The following ASIC2 variants were observed in gnomAD, a reference collection of about 807,000 sequenced individuals.
The protein encoded by ASIC2 is acid-sensing ion channel 2.
A neutral mutation model predicts 57.3 loss-of-function variants in ASIC2; 25 were observed. The observed-to-expected ratio is 0.44, with a 90% CI of 0.32 to 0.61. The LOEUF is 0.61. ASIC2 is among the 20% of genes least tolerant of loss of function. The pLI, the probability that ASIC2 is intolerant of heterozygous loss-of-function variation, is 0.06. For synonymous variants in ASIC2, 319 were observed against 307.5 expected (o/e 1.04, Z -0.39); for missense variants, 641 against 738.1 (o/e 0.87, Z 1.52).
intron 1 of ASIC2, among the ~76,000 whole-genome samples, chr17:33,201,976 G>A (rs2142078986): frequency 7.1e-6 from 1 of 141,102 alleles, no homozygotes; most frequent in Admixed American, 7.6e-5. Context: ...GGATTGCAGT[G>A]GACCAAGATC....
At chr17:33,461,284 C>T (rs895488047) in intron 1 of ASIC2, among the ~76,000 whole-genome samples, 5 of 152,230 alleles carry the variant, frequency 3.3e-5, no homozygotes, top group Admixed American at 2.0e-4. Flanking sequence ...CTGTGACATA[C>T]TGGTCTTGCC....
At chr17:33,814,949 A>T (rs1912534196) in intron 1 of ASIC2, among the ~76,000 whole-genome samples, 1 of 152,170 alleles carries the variant, frequency 6.6e-6, no homozygotes, top group East Asian at 1.9e-4. Context: ...TGAAATGGGA[A>T]AAAAGTGCAT....
intron 1 of ASIC2, among the ~76,000 whole-genome samples, chr17:33,716,731 AT>A (rs1909233838): frequency 6.6e-6 from 1 of 152,184 alleles, no homozygotes; most frequent in Middle Eastern, 3.2e-3. Flanking sequence ...TCATGACTGC[AT>A]CTCCTGCCCT....
intron 1 of ASIC2, among the ~76,000 whole-genome samples, chr17:33,438,832 A>T (rs1395268324): frequency 1.3e-5 from 2 of 150,578 alleles, no homozygotes; most frequent in African/African-American, 4.9e-5. Flanking sequence ...TGGAGAAATA[A>T]TGATGGCAGG....
intron 1 of ASIC2, among the ~76,000 whole-genome samples, chr17:33,181,567 G>A (rs1419025895): frequency 6.6e-6 from 1 of 152,122 alleles, no homozygotes; most frequent in Non-Finnish European, 1.5e-5. Context: ...TCTTTGGCTT[G>A]TGGCAGTGTG....
intron 1 of ASIC2, among the ~76,000 whole-genome samples, chr17:33,487,407 T>A (rs1913608532): frequency 6.6e-6 from 1 of 152,212 alleles, no homozygotes; most frequent in African/African-American, 2.4e-5. Context: ...TTAAGAGCAC[T>A]GGCTTTGGAG....
chr17:33,746,282 G>GTA (rs1377486789), intron 1 of ASIC2, among the ~76,000 whole-genome samples: 1 of 148,632 alleles, frequency 6.7e-6, no homozygotes, highest in Non-Finnish European at 1.5e-5. Context: ...ACGTGTACAT[G>GTA]TATATACATA....
intron 1 of ASIC2, among the ~76,000 whole-genome samples, chr17:33,461,359 A>G (rs1912629278): frequency 6.6e-6 from 1 of 152,140 alleles, no homozygotes; most frequent in Non-Finnish European, 1.5e-5. Context: ...CCTCTGGTCA[A>G]TTCTATCATG....
chr17:34,039,848 C>G, intron 1 of ASIC2: 1 of 1,605,926 alleles, frequency 6.2e-7, no homozygotes, highest in Non-Finnish European at 8.5e-7. Context: ...CGTCGTGGGT[C>G]CAGGCTATGC....
At chr17:33,727,543 T>C (rs1348010347) in intron 1 of ASIC2, among the ~76,000 whole-genome samples, 1 of 152,066 alleles carries the variant, frequency 6.6e-6, no homozygotes, top group Non-Finnish European at 1.5e-5. Flanking sequence ...TGATGGTGAG[T>C]GAGTGCTCAC....
intron 1 of ASIC2, among the ~76,000 whole-genome samples, chr17:34,054,592 T>A (rs1023527): frequency 0.52 from 79,140 of 152,028 alleles, 23,724 homozygotes; most frequent in African/African-American, 0.84. Context: ...TGCCAGATGG[T>A]CTTCAAAACA....
At position 33,997,307 on chromosome 17, in the gene ASIC2, ATTTTTTTTTTTT is replaced by A. The variant is rs71147411; in HGVS notation, c.555+158659_555+158670del. Among the ~76,000 whole-genome samples the A allele has an allele frequency of 5.3e-3, 456 of 85,812 alleles. 3 individuals carry two copies. The highest frequency in any genetic ancestry group is 0.02 in the African/African-American group (393 of 19,516). The allele number at this position is 85,812 out of a possible 152,430, so 56.3% of individuals were successfully genotyped here. A position where few individuals can be genotyped will look rare whatever the true frequency, so the allele number is the denominator to read the frequency against. On this transcript the variant is annotated intron_variant, in intron 1 of 9. Coordinates refer to the ASIC2 transcript ENST00000359872. Reference sequence around the variant, plus strand: ...AGGCACTTTCCACCATGCACGGTTAATTTTTTTTTTTTTTTTTTTTTTTTTTTGTAAAGACAA... The same window carrying A: ...AGGCACTTTCCACCATGCACGGTTAATTTTTTTTTTTTTTTGTAAAGACAA...
At chr17:33,591,880 A>G (rs1024095129) in intron 1 of ASIC2, among the ~76,000 whole-genome samples, 1 of 152,148 alleles carries the variant, frequency 6.6e-6, no homozygotes, top group East Asian at 1.9e-4. Context: ...CCTTCAACAG[A>G]TCACTCACAC....
intron 1 of ASIC2, among the ~76,000 whole-genome samples, chr17:34,075,451 G>A (rs1285886790): frequency 2.0e-5 from 3 of 152,128 alleles, no homozygotes; most frequent in African/African-American, 7.2e-5. Context: ...TTTTTAAGTT[G>A]CAGAAAGCTT....
At chr17:33,352,151 A>G (rs1908210010) in intron 1 of ASIC2, among the ~76,000 whole-genome samples, 2 of 152,028 alleles carry the variant, frequency 1.3e-5, no homozygotes, top group Non-Finnish European at 1.5e-5. Flanking sequence ...CTCAGTCTCT[A>G]TCTGTAGCTA....
chr17:33,607,742 C>T (rs1905265010), intron 1 of ASIC2, among the ~76,000 whole-genome samples: 1 of 152,248 alleles, frequency 6.6e-6, no homozygotes, highest in South Asian at 2.1e-4. Context: ...AGCAAAGGAG[C>T]TTTGGACCAC....
rs187469929 is a variant in ASIC2, at chr17:33,370,138, C to T, written c.556-258071G>A. On this transcript the variant is annotated intron_variant, in intron 1 of 9. Transcript: ENST00000359872. ...TTCCCCAGGACAGCCACCTTAGGGA[C>T]AGGCTGATGGGAGGCTCAGTTTCTG... Among the ~76,000 whole-genome samples the T allele has an allele frequency of 4.9e-3, 742 of 152,284 alleles. 1 individual carries two copies. Among genetic ancestry groups the T allele is most frequent in the Non-Finnish European group, 7.9e-3 (535 of 68,032 alleles).
intron 1 of ASIC2, among the ~76,000 whole-genome samples, chr17:33,181,078 A>G (rs1905962937): frequency 6.6e-6 from 1 of 152,168 alleles, no homozygotes; most frequent in African/African-American, 2.4e-5. Context: ...GAGCTGGAAG[A>G]GACTTGGTGA....
intron 1 of ASIC2, among the ~76,000 whole-genome samples, chr17:33,464,587 CTT>C (rs1200232600): frequency 7.1e-6 from 1 of 141,728 alleles, no homozygotes; most frequent in African/African-American, 2.6e-5. Context: ...CTCTTTATCT[CTT>C]TCTTTCTCTC....
Sources: allele counts gnomAD v4.1 joint callset (sites outside exome capture counted in the v4.1 genomes callset), GRCh38; gene constraint gnomAD v4.1.1; transcripts MANE v1.5; gene names NCBI Gene and HGNC (gene_info 2026-07-23, HGNC 2026-07-21).